SCN8A: variants seen among roughly 807,000 people sequenced by gnomAD.
The protein encoded by SCN8A is sodium channel protein type 8 subunit alpha.
SCN8A carries 30 observed loss-of-function variants against 184.1 expected under a neutral mutation model. The observed-to-expected ratio is 0.16, with a 90% CI of 0.12 to 0.22. The LOEUF is 0.22. SCN8A is among the 10% of genes least tolerant of loss of function. SCN8A has a pLI of 1.00. For missense variants in SCN8A, 1,057 were observed against 2,498.9 expected (o/e 0.42, Z 12.30); for synonymous variants, 852 against 907.0 (o/e 0.94, Z 1.09).
At position 51,752,697 on chromosome 12, in the gene SCN8A, C is replaced by G. The variant is rs116986686; in HGVS notation, c.2370+1104C>G. 1.5e-3 allele frequency among the ~76,000 whole-genome samples: 222 copies of G among 152,240 alleles called. 1 individual carries two copies. Among genetic ancestry groups the G allele is most frequent in the Non-Finnish European group, 2.5e-3 (167 of 68,010 alleles). Reference sequence around the variant, plus strand: ...CCCGGAGTCTTGAAATGGGACACTCCCACAGACTGTCCAAGAAGTCTGCTG... The same window carrying G: ...CCCGGAGTCTTGAAATGGGACACTCGCACAGACTGTCCAAGAAGTCTGCTG... On this transcript the variant is annotated intron_variant, in intron 14 of 26. Coordinates refer to ENST00000627620, the MANE Select transcript of SCN8A (RefSeq NM_001330260.2).
At chr12:51,711,307 A>G (rs1941871919) in intron 11 of SCN8A, among the ~76,000 whole-genome samples, 1 of 152,220 alleles carries the variant, frequency 6.6e-6, no homozygotes, top group South Asian at 2.1e-4. Flanking sequence ...GTGCATGAAA[A>G]TATTCACTTA....
intron 1 of SCN8A, among the ~76,000 whole-genome samples, chr12:51,609,523 A>C (rs1338838033): frequency 6.6e-6 from 1 of 152,154 alleles, no homozygotes; most frequent in Non-Finnish European, 1.5e-5. Flanking sequence ...AAGGCCTTTT[A>C]CCATTTTATA....
intron 1 of SCN8A, among the ~76,000 whole-genome samples, chr12:51,643,808 C>T (rs913534754): frequency 2.0e-5 from 3 of 152,210 alleles, no homozygotes; most frequent in Non-Finnish European, 2.9e-5. Flanking sequence ...TCCTGTCCAA[C>T]ACAGAAATCT....
intron 2 of SCN8A, among the ~76,000 whole-genome samples, chr12:51,683,153 C>T (rs149554573): frequency 4.9e-4 from 75 of 152,284 alleles, no homozygotes; most frequent in African/African-American, 1.7e-3. Flanking sequence ...TTTGTACTTA[C>T]CCTGCATCAT....
At chr12:51,668,716 T>C (rs1941079570) in intron 2 of SCN8A, among the ~76,000 whole-genome samples, 1 of 152,180 alleles carries the variant, frequency 6.6e-6, no homozygotes, top group South Asian at 2.1e-4. Flanking sequence ...TTGGGCTTAT[T>C]ATCAATACCG....
chr12:51,693,512 C>G (rs1181226076), intron 6 of SCN8A, among the ~76,000 whole-genome samples: 2 of 152,162 alleles, frequency 1.3e-5, no homozygotes, highest in Non-Finnish European at 2.9e-5. Flanking sequence ...TGGTACACAC[C>G]TATAGTCCCA....
intron 1 of SCN8A, among the ~76,000 whole-genome samples, chr12:51,631,431 GTTGT>G (rs1469956474): frequency 6.6e-6 from 1 of 152,226 alleles, no homozygotes; most frequent in Non-Finnish European, 1.5e-5. Context: ...GTGATTCTAA[GTTGT>G]TTATTTATTC....
chr12:51,642,345 A>G (rs985454814), intron 1 of SCN8A, among the ~76,000 whole-genome samples: 2 of 152,208 alleles, frequency 1.3e-5, no homozygotes, highest in African/African-American at 4.8e-5. Context: ...ATCTAGCAAT[A>G]TTTGCTCCTT....
intron 8 of SCN8A, among the ~76,000 whole-genome samples, chr12:51,701,860 CATGACCACA>C (rs1037534484): frequency 3.9e-5 from 6 of 152,130 alleles, no homozygotes; most frequent in African/African-American, 1.4e-4. Flanking sequence ...GGTGTTTTAA[CATGACCACA>C]ATGTCTAGAA....
chr12:51,756,466 G>A (rs556128897), intron 14 of SCN8A, among the ~76,000 whole-genome samples: 2 of 152,240 alleles, frequency 1.3e-5, no homozygotes, highest in African/African-American at 2.4e-5. Context: ...AGCCCACTCC[G>A]GGATCTTCTC....
chr12:51,630,304 T>C (rs1438205646), intron 1 of SCN8A, among the ~76,000 whole-genome samples: 1 of 152,126 alleles, frequency 6.6e-6, no homozygotes, highest in Non-Finnish European at 1.5e-5. Flanking sequence ...ACCGCCATTC[T>C]ACTTGCTATC....
At chr12:51,690,989 T>C (rs1941496505) in intron 6 of SCN8A, among the ~76,000 whole-genome samples, 1 of 152,198 alleles carries the variant, frequency 6.6e-6, no homozygotes, top group African/African-American at 2.4e-5. Flanking sequence ...TTAAATCTGC[T>C]TAACAGAAAG....
intron 6 of SCN8A, among the ~76,000 whole-genome samples, chr12:51,695,788 T>C (rs544409621): frequency 6.6e-6 from 1 of 152,350 alleles, no homozygotes; most frequent in East Asian, 1.9e-4. Flanking sequence ...TACTCAACTG[T>C]CTCTTATCCT....
chr12:51,700,184 A>C (rs1375246534), intron 7 of SCN8A, among the ~76,000 whole-genome samples: 18 of 26,732 alleles, frequency 6.7e-4, no homozygotes, highest in Admixed American at 1.9e-3. Context: ...AAAAAAAACA[A>C]AAAAAAAAAG....
At chr12:51,673,181 A>G (rs1941162303) in intron 2 of SCN8A, among the ~76,000 whole-genome samples, 1 of 152,130 alleles carries the variant, frequency 6.6e-6, no homozygotes, top group African/African-American at 2.4e-5. Flanking sequence ...ATGTACAGAC[A>G]TTTTTTTCTT....
intron 1 of SCN8A, among the ~76,000 whole-genome samples, chr12:51,604,433 T>A (rs1467378567): frequency 1.3e-5 from 2 of 152,184 alleles, no homozygotes; most frequent in Non-Finnish European, 2.9e-5. Context: ...TATGTGTGTC[T>A]GCGCCTTCCT....
intron 6 of SCN8A, among the ~76,000 whole-genome samples, chr12:51,695,683 C>T (rs1040525239): frequency 2.0e-5 from 3 of 151,296 alleles, no homozygotes; most frequent in African/African-American, 4.9e-5. Flanking sequence ...TACTAACTGC[C>T]TTTACTGCTC....
chr12:51,623,888 G>A (rs1485870905), intron 1 of SCN8A, among the ~76,000 whole-genome samples: 1 of 152,098 alleles, frequency 6.6e-6, no homozygotes, highest in Non-Finnish European at 1.5e-5. Context: ...CCTTGTGATA[G>A]TTTGCTGAGA....
chr12:51,652,596 C>T (rs1236081566), intron 1 of SCN8A, among the ~76,000 whole-genome samples: 1 of 152,166 alleles, frequency 6.6e-6, no homozygotes, highest in Non-Finnish European at 1.5e-5. Flanking sequence ...TTACACTGAA[C>T]TGCTTGCAGT....
Sources: gnomAD v4.1 joint callset for allele counts (sites outside exome capture counted in the v4.1 genomes callset) on GRCh38, gnomAD v4.1.1 for gene constraint, MANE v1.5 for transcripts, NCBI Gene and HGNC (gene_info 2026-07-23, HGNC 2026-07-21) for gene names.